Variants in WDPCP observed in about 807,000 individuals in gnomAD.
WDPCP encodes the protein WD repeat containing planar cell polarity effector, also known as WD repeat-containing and planar cell polarity effector protein fritz homolog.
Under a neutral mutation model 93.1 loss-of-function variants are expected in WDPCP, and 71 were observed. The ratio of observed to expected loss-of-function variants is 0.76; its 90% CI spans 0.63 to 0.93. WDPCP has a LOEUF of 0.93. Among genes scored for constraint, WDPCP ranks in the 40% least tolerant of loss-of-function variants. The pLI is 0.00. For missense variants in WDPCP, 844 were observed against 887.4 expected (o/e 0.95, Z 0.62); for synonymous variants, 315 against 315.0 (o/e 1.00, Z 0.00).
intron 1 of WDPCP, among the ~76,000 whole-genome samples, chr2:63,532,060 C>A (rs191046440): frequency 6.6e-6 from 1 of 151,940 alleles, no homozygotes; most frequent in African/African-American, 2.4e-5. Context: ...AACTACGTGA[C>A]GCATGCACAA....
intron 2 of WDPCP, among the ~76,000 whole-genome samples, chr2:63,654,662 G>A (rs954903828): frequency 1.3e-5 from 2 of 152,108 alleles, no homozygotes. Context: ...AGGGATAGCA[G>A]AATCCATGGA....
chr2:63,574,409 C>T (rs1361637583), intron 1 of WDPCP, among the ~76,000 whole-genome samples: 62 of 152,140 alleles, frequency 4.1e-4, no homozygotes, highest in Non-Finnish European at 2.1e-4. Flanking sequence ...GAATTTCCCC[C>T]GATAGCAACT....
At chr2:63,834,970 T>A in the WDPCP span, among the ~76,000 whole-genome samples, 1 of 152,200 alleles carries the variant, frequency 6.6e-6, no homozygotes, top group African/African-American at 2.4e-5. Flanking sequence ...TCATCATTAT[T>A]TTAAAGTACT....
intron 2 of WDPCP, among the ~76,000 whole-genome samples, chr2:63,698,245 A>G (rs921754160): frequency 6.6e-6 from 1 of 152,112 alleles, no homozygotes; most frequent in Non-Finnish European, 1.5e-5. Flanking sequence ...TGAGGAAAAA[A>G]TTCTAAGACA....
chr2:63,184,687 C>T (rs778015291), intron 14 of WDPCP, among the ~76,000 whole-genome samples: 2 of 152,052 alleles, frequency 1.3e-5, no homozygotes, highest in African/African-American at 2.4e-5. Flanking sequence ...AATGACTATA[C>T]GTTGTGGTGA....
At chr2:63,336,401 T>C (rs1688369015) in intron 12 of WDPCP, among the ~76,000 whole-genome samples, 1 of 152,208 alleles carries the variant, frequency 6.6e-6, no homozygotes, top group Non-Finnish European at 1.5e-5. Flanking sequence ...TATTGACTAG[T>C]AGTGGTGAAA....
chr2:63,626,099 A>G (rs1709807102), intron 3 of WDPCP, among the ~76,000 whole-genome samples: 1 of 152,244 alleles, frequency 6.6e-6, no homozygotes, highest in South Asian at 2.1e-4. Context: ...AGGATTCCCT[A>G]TTTAATAAAT....
chr2:63,837,257 T>C, the WDPCP span, among the ~76,000 whole-genome samples: 1 of 152,226 alleles, frequency 6.6e-6, no homozygotes, highest in African/African-American at 2.4e-5. Flanking sequence ...TAATTTGATA[T>C]CTTTTTCCAG....
At chr2:63,464,895 G>A (rs1699243282) in intron 6 of WDPCP, among the ~76,000 whole-genome samples, 1 of 151,962 alleles carries the variant, frequency 6.6e-6, no homozygotes, top group South Asian at 2.1e-4. Context: ...AGGGGGAAAA[G>A]GGGGCATTGT....
At chr2:63,393,942 A>T (rs2105056407) in intron 10 of WDPCP, among the ~76,000 whole-genome samples, 1 of 152,298 alleles carries the variant, frequency 6.6e-6, no homozygotes, top group Admixed American at 6.5e-5. Context: ...TAAAGACTTA[A>T]ATGTAAAACC....
intron 14 of WDPCP, among the ~76,000 whole-genome samples, chr2:63,218,578 G>A (rs1396840245): frequency 1.3e-5 from 2 of 152,222 alleles, no homozygotes; most frequent in East Asian, 3.9e-4. Flanking sequence ...TACCCAGGCT[G>A]GAGTGCAGTG....
At chr2:63,332,223 C>T (rs1453430545) in intron 12 of WDPCP, among the ~76,000 whole-genome samples, 2 of 150,902 alleles carry the variant, frequency 1.3e-5, no homozygotes, top group Non-Finnish European at 3.0e-5. Context: ...TATATATCTC[C>T]CCCCTAACAG....
At chr2:63,700,439 T>A (rs1424853452) in intron 2 of WDPCP, among the ~76,000 whole-genome samples, 1 of 152,118 alleles carries the variant, frequency 6.6e-6, no homozygotes, top group Non-Finnish European at 1.5e-5. Context: ...GTGAGTCAAC[T>A]GCACAGACAT....
intron 10 of WDPCP, among the ~76,000 whole-genome samples, chr2:63,394,491 G>A (rs960297958): frequency 8.6e-5 from 13 of 152,042 alleles, no homozygotes; most frequent in Admixed American, 2.6e-4. Flanking sequence ...ATTTTTCAAA[G>A]AACTTGAAAC....
chr2:63,377,213 T>C (rs1691918061), intron 12 of WDPCP, among the ~76,000 whole-genome samples: 1 of 151,802 alleles, frequency 6.6e-6, no homozygotes, highest in South Asian at 2.1e-4. Context: ...GTTTACTCAC[T>C]TGTCAAATGA....
chr2:63,828,734 T>G (rs2104161830), upstream of WDPCP, among the ~76,000 whole-genome samples: 1 of 152,284 alleles, frequency 6.6e-6, no homozygotes, highest in Middle Eastern at 3.4e-3. Context: ...ATACCTAAGA[T>G]TTTTTATTTC....
intron 2 of WDPCP, among the ~76,000 whole-genome samples, chr2:63,674,127 T>C (rs11684093): frequency 0.16 from 24,890 of 152,230 alleles, 2,281 homozygotes; most frequent in Middle Eastern, 0.24. Context: ...AAGGCCACAT[T>C]GGTCTGGGGA....
At position 63,623,510 on chromosome 2, in the gene WDPCP, G is replaced by GA. The variant is rs1298405445; in HGVS notation, n.488+27148dup. Among the ~76,000 whole-genome samples, 726 of 124,752 alleles carry GA rather than the reference G, an allele frequency of 5.8e-3. 5 individuals carry two copies. Among genetic ancestry groups the GA allele is most frequent in the African/African-American group, 0.017 (579 of 33,998 alleles). 81.8% of individuals were successfully genotyped at this position (124,752 alleles called of 152,430 possible). ...ATATTTACCAAGCAAATGGAAAGCA[G>GA]AAAAAAAAAAAAGAAGGGGTTGCAT... On this transcript the variant is annotated intron_variant and non_coding_transcript_variant, in intron 3 of 4. Coordinates refer to the WDPCP transcript ENST00000467687.
At chr2:63,132,542 C>T (rs1670357621) in intron 17 of WDPCP, among the ~76,000 whole-genome samples, 1 of 147,474 alleles carries the variant, frequency 6.8e-6, no homozygotes, top group African/African-American at 2.5e-5. Flanking sequence ...TCTTTTTGTA[C>T]CTCATACTAG....
Sources: allele counts gnomAD v4.1 joint callset (sites outside exome capture counted in the v4.1 genomes callset), GRCh38; gene constraint gnomAD v4.1.1; transcripts MANE v1.5; gene names NCBI Gene and HGNC (gene_info 2026-07-23, HGNC 2026-07-21).